The following PCNX2 variants were observed in gnomAD, a reference collection of about 807,000 sequenced individuals.
PCNX2 encodes pecanex-like protein 2.
PCNX2 carries 168 observed loss-of-function variants against 223.8 expected under a neutral mutation model. That is an observed-to-expected ratio of 0.75 (90% CI 0.66 to 0.85). PCNX2 has a LOEUF of 0.85. Ranked by LOEUF, PCNX2 falls within the 40% of genes least tolerant of loss-of-function variation. PCNX2 has a pLI of 0.00. For missense variants in PCNX2, 2,507 were observed against 2,675.5 expected, an observed-to-expected ratio of 0.94 and a Z score of 1.39; for synonymous variants, 1,006 against 1,052.6, an observed-to-expected ratio of 0.96 and a Z score of 0.86.
intron 1 of PCNX2, among the ~76,000 whole-genome samples, chr1:233,263,542 G>A (rs1223507191): frequency 2.8e-5 from 4 of 145,016 alleles, no homozygotes; most frequent in African/African-American, 7.7e-5. Flanking sequence ...TGCAACCTCC[G>A]CCTCCCGGGC....
chr1:233,041,013 TCCCTCTTTCACA>T (rs1283553796), intron 25 of PCNX2, among the ~76,000 whole-genome samples: 2 of 152,102 alleles, frequency 1.3e-5, no homozygotes, highest in African/African-American at 4.8e-5. Context: ...TCCTGTTTCT[TCCCTCTTTCACA>T]CCCTCACTTC....
intron 23 of PCNX2, among the ~76,000 whole-genome samples, chr1:233,067,931 C>A (rs1203453147): frequency 6.6e-6 from 1 of 152,028 alleles, no homozygotes; most frequent in Admixed American, 6.6e-5. Flanking sequence ...CTCCAAAACC[C>A]ATGGGACTGT....
intron 19 of PCNX2, among the ~76,000 whole-genome samples, chr1:233,151,580 T>G (rs1177268017): frequency 1.3e-5 from 2 of 152,232 alleles, no homozygotes; most frequent in East Asian, 3.8e-4. Context: ...CTAACGGGTC[T>G]TGGATAAACA....
At chr1:233,161,699 G>A (rs1678493777) in intron 17 of PCNX2, among the ~76,000 whole-genome samples, 2 of 152,070 alleles carry the variant, frequency 1.3e-5, no homozygotes, top group Admixed American at 1.3e-4. Flanking sequence ...TCTGATCTGT[G>A]TTTCCACAAA....
Position 233,238,780 on chromosome 1 carries a change from G to A in PCNX2, c.2223-1800C>T, listed in dbSNP as rs534041496. Among the ~76,000 whole-genome samples, 5 of 151,478 alleles carry A rather than the reference G, an allele frequency of 3.3e-5. No homozygotes were observed. The South Asian group carries it at 8.4e-4, about 25-fold the overall frequency. Reference sequence around the variant, plus strand: ...CAATAAAGTCTTCATATAAAGAACCGCTTAGGAAACATAACATGATGAAGT... The same window carrying A: ...CAATAAAGTCTTCATATAAAGAACCACTTAGGAAACATAACATGATGAAGT... On this transcript the variant is annotated intron_variant, in intron 8 of 33. Coordinates refer to ENST00000258229, the MANE Select transcript of PCNX2 (RefSeq NM_014801.4).
chr1:233,095,111 G>A (rs1022312399), intron 22 of PCNX2, among the ~76,000 whole-genome samples: 8 of 152,048 alleles, frequency 5.3e-5, no homozygotes, highest in Admixed American at 6.6e-5. Flanking sequence ...TTACCCACGC[G>A]TGCACATATA....
intron 17 of PCNX2, among the ~76,000 whole-genome samples, chr1:233,163,402 G>A (rs1027111937): frequency 2.0e-5 from 3 of 151,690 alleles, no homozygotes; most frequent in Admixed American, 6.6e-5. Flanking sequence ...CAGGAGAATC[G>A]CAGAACCCAG....
At chr1:233,080,754 G>A (rs1673322790) in intron 23 of PCNX2, among the ~76,000 whole-genome samples, 1 of 152,050 alleles carries the variant, frequency 6.6e-6, no homozygotes, top group Admixed American at 6.6e-5. Flanking sequence ...TCGCACTGTG[G>A]GTCAGCATTT....
At chr1:233,324,929 C>A in the PCNX2 span, among the ~76,000 whole-genome samples, 1 of 152,138 alleles carries the variant, frequency 6.6e-6, no homozygotes, top group African/African-American at 2.4e-5. Context: ...AGAGCTATTG[C>A]TCAGAAAAAA....
At chr1:233,094,711 T>A (rs1003466207) in intron 22 of PCNX2, among the ~76,000 whole-genome samples, 1 of 152,224 alleles carries the variant, frequency 6.6e-6, no homozygotes, top group African/African-American at 2.4e-5. Flanking sequence ...ATGAGCCTTA[T>A]GTAAATTTCA....
intron 21 of PCNX2, among the ~76,000 whole-genome samples, chr1:233,119,500 C>T (rs1675633154): frequency 6.9e-6 from 1 of 144,086 alleles, no homozygotes; most frequent in Non-Finnish European, 1.5e-5. Context: ...AAGGAGAATG[C>T]TGTGAACCCA....
chr1:233,126,069 G>C lies in PCNX2; in HGVS notation c.3837+8944C>G, dbSNP rs1676081272. ...TAATAAAAATACAAAAATTAGCCAG[G>C]TGTGGTGGCGTGCACCTGTAATCCC... is the stretch of plus-strand genomic sequence containing the variant. On this transcript the variant is annotated intron_variant, in intron 21 of 33. Transcript: ENST00000258229. This position sits in a 1 kb window ranked among gnomAD's most constrained non-coding sequence, Gnocchi z 4.8. 6.6e-6 allele frequency: 1 copy of C among 152,150 alleles called. No individual in the cohort carries two copies. The highest frequency in any genetic ancestry group is 2.4e-5 in the African/African-American group (1 of 41,388). 9.4% of individuals were successfully genotyped at this position (152,150 alleles called of 1,614,324 possible).
chr1:233,180,022 G>A (rs752663030), intron 15 of PCNX2, among the ~76,000 whole-genome samples: 2 of 152,220 alleles, frequency 1.3e-5, no homozygotes, highest in Non-Finnish European at 2.9e-5. Flanking sequence ...GGATAAATAT[G>A]TCTGCTTTTC....
Position 233,177,789 on chromosome 1 carries a change from G to T in PCNX2, c.3273+13C>A, listed in dbSNP as rs373304553. On this transcript the variant is annotated intron_variant, in intron 17 of 33. Transcript: ENST00000258229. ...GCCCTCCTATGCTACATTACACAACGCAAATGTCTCACCACTGAATCTTTC... is the reference window on the plus strand; with the variant it reads ...GCCCTCCTATGCTACATTACACAACTCAAATGTCTCACCACTGAATCTTTC... The T allele has an allele frequency of 8.7e-6, 14 of 1,601,774 alleles. No homozygotes were observed. The Admixed American group carries it at 2.3e-4, about 27-fold the overall frequency.
Position 233,025,138 on chromosome 1 carries a change from A to G in PCNX2, c.4605+8T>C. On this transcript the variant is annotated splice_region_variant and intron_variant, in intron 26 of 33. Transcript: ENST00000258229. Reference sequence around the variant, plus strand: ...TCTGCCTTAGGTGTTTGGGAAACAGAGCAATACCTTGATGTAGTAGCGGAT... The same window carrying G: ...TCTGCCTTAGGTGTTTGGGAAACAGGGCAATACCTTGATGTAGTAGCGGAT... 4 of 1,613,904 alleles carry G rather than the reference A, an allele frequency of 2.5e-6. No homozygotes were observed. Among genetic ancestry groups the G allele is most frequent in the Non-Finnish European group, 3.4e-6 (4 of 1,179,836 alleles).
chr1:233,009,168 T>C (rs754719490), intron 28 of PCNX2, among the ~76,000 whole-genome samples: 2 of 152,178 alleles, frequency 1.3e-5, no homozygotes, highest in Non-Finnish European at 2.9e-5. Flanking sequence ...TCATCTCTCA[T>C]GCCTTCAGAG....
intron 28 of PCNX2, 39 bp downstream of exon 28, chr1:233,014,626 G>T: frequency 6.7e-7 from 1 of 1,492,732 alleles, no homozygotes. Flanking sequence ...GAAAGTGGGT[G>T]CCTGTACCTA....
At chr1:233,324,594 T>C in the PCNX2 span, among the ~76,000 whole-genome samples, 2 of 141,482 alleles carry the variant, frequency 1.4e-5, no homozygotes, top group Non-Finnish European at 3.0e-5. Flanking sequence ...GATGGTTTAC[T>C]GAAATTTTTT....
intron 19 of PCNX2, among the ~76,000 whole-genome samples, chr1:233,158,197 T>C (rs1406716351): frequency 6.6e-6 from 1 of 152,200 alleles, no homozygotes; most frequent in Non-Finnish European, 1.5e-5. Flanking sequence ...GAAACCGAGT[T>C]GTTAATGGCC....
Sources: gnomAD v4.1 joint callset for allele counts (sites outside exome capture counted in the v4.1 genomes callset) on GRCh38, gnomAD v4.1.1 for gene constraint, Gnocchi (gnomAD v3.1) non-coding constraint, MANE v1.5 for transcripts, NCBI Gene and HGNC (gene_info 2026-07-23, HGNC 2026-07-21) for gene names.